GRID2: variants seen among roughly 807,000 people sequenced by gnomAD.
The protein encoded by GRID2 is glutamate receptor ionotropic, delta-2.
Under a neutral mutation model 114.8 loss-of-function variants are expected in GRID2, and 33 were observed. That is an observed-to-expected ratio of 0.29 (90% confidence interval 0.22 to 0.38). The LOEUF (loss-of-function observed/expected upper bound fraction) is 0.38. GRID2 is among the 10% of genes least tolerant of loss of function. The probability of loss-of-function intolerance (pLI) is 1.00; values close to 1 mark genes in which losing one functional copy is unlikely to be tolerated. For missense variants in GRID2, 1,184 were observed against 1,257.7 expected (o/e 0.94, Z 0.89); for synonymous variants, 505 against 449.9 (o/e 1.12, Z -1.55).
intron 4 of GRID2, among the ~76,000 whole-genome samples, chr4:93,148,334 G>A (rs1299441966): frequency 6.6e-6 from 1 of 152,056 alleles, no homozygotes; most frequent in Non-Finnish European, 1.5e-5. Context: ...TGAGACCTTA[G>A]TATAAATCTT....
chr4:92,598,371 G>A (rs1382380769), intron 2 of GRID2, among the ~76,000 whole-genome samples: 1 of 151,966 alleles, frequency 6.6e-6, no homozygotes, highest in African/African-American at 2.4e-5. Context: ...TGACCTATGT[G>A]TACCTCTCTT....
chr4:93,182,427 T>A lies in GRID2; in HGVS notation c.736-24977T>A, dbSNP rs540060254. Among the ~76,000 whole-genome samples, 7 of 152,306 alleles carry A rather than the reference T, an allele frequency of 4.6e-5. No individual in the cohort carries two copies. In the South Asian group the frequency reaches 1.2e-3, roughly 27 times the overall value. ...AAACTATATTCTATTATCTTTAAAA[T>A]AGACTGCATTATCAATTCAAATGTA... On this transcript the variant is annotated intron_variant, in intron 4 of 15. Transcript: ENST00000282020.
intron 8 of GRID2, among the ~76,000 whole-genome samples, chr4:93,267,156 A>G (rs1371281348): frequency 4.0e-5 from 6 of 149,218 alleles, no homozygotes. Context: ...ATTGAATAGT[A>G]CACACATTTC....
intron 2 of GRID2, among the ~76,000 whole-genome samples, chr4:92,687,592 G>A (rs1733972867): frequency 6.6e-6 from 1 of 152,162 alleles, no homozygotes; most frequent in Non-Finnish European, 1.5e-5. Flanking sequence ...CACTTGGGGA[G>A]GCCGAGGTGG....
chr4:93,262,066 T>G (rs1750313103), intron 8 of GRID2, among the ~76,000 whole-genome samples: 1 of 151,276 alleles, frequency 6.6e-6, no homozygotes, highest in Admixed American at 6.6e-5. Flanking sequence ...AATATGTATA[T>G]TATAAATATT....
chr4:93,300,172 T>C (rs1266859315), intron 8 of GRID2, among the ~76,000 whole-genome samples: 1 of 152,114 alleles, frequency 6.6e-6, no homozygotes, highest in Non-Finnish European at 1.5e-5. Flanking sequence ...CTCAAACTCC[T>C]GGGTTAAGTG....
chr4:92,637,976 A>G (rs1006308121), intron 2 of GRID2, among the ~76,000 whole-genome samples: 7 of 151,980 alleles, frequency 4.6e-5, no homozygotes, highest in African/African-American at 1.7e-4. Context: ...GAAACTCAAA[A>G]TAGACATTAC....
chr4:93,693,417 A>T (rs1726738035), intron 14 of GRID2, among the ~76,000 whole-genome samples: 1 of 152,226 alleles, frequency 6.6e-6, no homozygotes, highest in Admixed American at 6.5e-5. Context: ...TTGAAGAATA[A>T]TGACCTGAAA....
At chr4:92,725,327 G>C (rs560956548) in intron 2 of GRID2, among the ~76,000 whole-genome samples, 1 of 152,202 alleles carries the variant, frequency 6.6e-6, no homozygotes, top group South Asian at 2.1e-4. Flanking sequence ...GGAGTTAGAA[G>C]TCTAAGTAAG....
chr4:92,589,275 C>A (rs1334190031), intron 1 of GRID2, among the ~76,000 whole-genome samples: 1 of 151,904 alleles, frequency 6.6e-6, no homozygotes, highest in Non-Finnish European at 1.5e-5. Flanking sequence ...GTGTTTAATA[C>A]ACACAACGTG....
At chr4:93,712,127 C>T (rs953026212) in intron 14 of GRID2, among the ~76,000 whole-genome samples, 1 of 151,910 alleles carries the variant, frequency 6.6e-6, no homozygotes, top group African/African-American at 2.4e-5. Flanking sequence ...TTTTTTCACA[C>T]AGAGAAGTTC....
chr4:93,735,063 T>C (rs1270231729), intron 14 of GRID2, among the ~76,000 whole-genome samples: 1 of 152,022 alleles, frequency 6.6e-6, no homozygotes, highest in Non-Finnish European at 1.5e-5. Context: ...CCTGTCATCT[T>C]GAGACCAAGA....
chr4:93,033,025 AAC>A, intron 2 of GRID2, among the ~76,000 whole-genome samples: 1 of 152,244 alleles, frequency 6.6e-6, no homozygotes, highest in Non-Finnish European at 1.5e-5. Flanking sequence ...GACATAAAGT[AAC>A]ACAGATTTTT....
intron 14 of GRID2, among the ~76,000 whole-genome samples, chr4:93,656,986 G>C (rs1723081895): frequency 2.6e-5 from 4 of 151,822 alleles, no homozygotes. Context: ...AGTTTTAACA[G>C]TGTGATAAGA....
At chr4:93,205,177 A>G (rs2870660) in intron 4 of GRID2, among the ~76,000 whole-genome samples, 70,357 of 151,800 alleles carry the variant, frequency 0.46, 17,461 homozygotes, top group Middle Eastern at 0.67. Flanking sequence ...ACAATCAGAA[A>G]ATTTGAAATA....
At chr4:93,612,655 C>T (rs1741078691) in intron 13 of GRID2, among the ~76,000 whole-genome samples, 1 of 102,954 alleles carries the variant, frequency 9.7e-6, no homozygotes, top group Non-Finnish European at 2.1e-5. Context: ...TCTCTTCTGG[C>T]TTGTAGGGTT....
chr4:93,481,265 T>C (rs1460831907), intron 11 of GRID2, among the ~76,000 whole-genome samples: 1 of 152,076 alleles, frequency 6.6e-6, no homozygotes, highest in Non-Finnish European at 1.5e-5. Flanking sequence ...AGAAGAAGGC[T>C]GATTCCCTCA....
chr4:92,487,509 A>G (rs1033325007), intron 1 of GRID2, among the ~76,000 whole-genome samples: 10 of 152,074 alleles, frequency 6.6e-5, no homozygotes, highest in Non-Finnish European at 1.2e-4. Flanking sequence ...TATTTCCACT[A>G]GATAATAGAC....
intron 1 of GRID2, among the ~76,000 whole-genome samples, chr4:92,403,001 C>G (rs1166857319): frequency 6.6e-6 from 1 of 152,142 alleles, no homozygotes; most frequent in East Asian, 1.9e-4. Flanking sequence ...TACATTAGCT[C>G]TTGCTGCTTC....
Sources: allele counts gnomAD v4.1 joint callset (sites outside exome capture counted in the v4.1 genomes callset), GRCh38; gene constraint gnomAD v4.1.1; transcripts MANE v1.5; gene names NCBI Gene and HGNC (gene_info 2026-07-23, HGNC 2026-07-21).